Variants in PIAS4 observed in about 807,000 individuals in gnomAD.
The protein encoded by PIAS4 is E3 SUMO-protein ligase PIAS4.
In PIAS4, 7 loss-of-function variants were observed where a neutral mutation model predicts 58.0. The observed-to-expected ratio is 0.12, with a 90% confidence interval of 0.07 to 0.23. PIAS4 has a LOEUF of 0.23. Ranked by LOEUF, PIAS4 falls within the 10% of genes least tolerant of loss-of-function variation. The probability of loss-of-function intolerance (pLI) is 1.00; values close to 1 mark genes in which losing one functional copy is unlikely to be tolerated. For missense variants in PIAS4, 550 were observed against 709.5 expected (o/e 0.78, Z 2.55); for synonymous variants, 364 against 312.4 (o/e 1.17, Z -1.74).
rs371787426 is a variant in PIAS4, at chr19:4,037,666, G to A, written c.1324G>A (p.Gly442Ser). Residue 442 changes from glycine (G) to serine (S), a missense_variant, in exon 11 of 11, where the codon GGT becomes AGT. This residue lies in a region of PIAS4 where 188 missense variants were observed against 192.0 expected (regional missense o/e 0.98). Transcript: ENST00000262971. This position sits in a 1 kb window ranked among gnomAD's most constrained non-coding sequence, Gnocchi z 5.8. ...LLPAPSVNGSGALGSTGGGGP... is the reference protein window; with the variant it reads ...LLPAPSVNGSSALGSTGGGGP... ...GCCCGCCCCCAGCGTCAACGGGAGC[G>A]GTGCCCTGGGCAGCACGGGTGGCGG... 39 of 1,611,970 alleles carry A rather than the reference G, an allele frequency of 2.4e-5. No individual in the cohort carries two copies. Among genetic ancestry groups the A allele is most frequent in the African/African-American group, 5.3e-5 (4 of 74,928 alleles).
chr19:4,028,320 C>A, intron 4 of PIAS4, 133 bp downstream of exon 4: 1 of 839,476 alleles, frequency 1.2e-6, no homozygotes, highest in Non-Finnish European at 1.9e-6. Context: ...CACCTGCTGT[C>A]TATCCCTGTC....
At position 4,038,391 on chromosome 19, in the gene PIAS4, C is replaced by CCGAGCAG. The variant is rs1472369281; in HGVS notation, c.*522_*528dup. 1 of 151,032 alleles carries CCGAGCAG rather than the reference C, an allele frequency of 6.6e-6. No homozygotes were observed. Among genetic ancestry groups the CCGAGCAG allele is most frequent in the African/African-American group, 2.4e-5 (1 of 40,978 alleles). The allele number at this position is 151,032 out of a possible 1,614,324, so 9.4% of individuals were successfully genotyped here. The stretch of plus-strand genomic sequence containing the variant: ...ATCCTCGCCCAGAGACCCTCACGCG[C>CCGAGCAG]CGAGCAGCGAGCGTTTTAGCCGAGA... On this transcript the variant is annotated 3_prime_UTR_variant, in exon 11 of 11. Transcript: ENST00000262971. The surrounding 1 kb of genome is among the most constrained non-coding windows in gnomAD (Gnocchi z 4.1).
chr19:4,034,327 G>A (rs1255499718), intron 9 of PIAS4, among the ~76,000 whole-genome samples: 1 of 152,180 alleles, frequency 6.6e-6, no homozygotes, highest in Non-Finnish European at 1.5e-5. Flanking sequence ...TGCAGGTGAA[G>A]GCAGGGCTGG....
intron 9 of PIAS4, among the ~76,000 whole-genome samples, chr19:4,036,620 C>T (rs986356491): frequency 6.8e-6 from 1 of 146,944 alleles, no homozygotes; most frequent in African/African-American, 2.6e-5. Context: ...ACAGTCCACA[C>T]CGTCTCACAT....
chr19:4,028,398 A>G, intron 4 of PIAS4, 112 bp from the exon 5 acceptor site: 2 of 862,702 alleles, frequency 2.3e-6, no homozygotes, highest in East Asian at 2.7e-5. Context: ...CCCGTGTCAC[A>G]TTCTCCGGTG....
intron 8 of PIAS4, 70 bp downstream of exon 8, chr19:4,033,243 C>A (rs531136055): frequency 1.3e-6 from 2 of 1,512,558 alleles, no homozygotes; most frequent in Non-Finnish European, 1.8e-6. Context: ...CGGCCCTGGG[C>A]CCGGGGCGGC....
chr19:4,012,867 A>T lies in PIAS4; in HGVS notation c.28-56A>T, dbSNP rs1007566539. Reference sequence around the variant, plus strand: ...CCACATCGGGGCCTGGCCTCCATGGAGTCCCCTGCCTCGCAGCTGTGTCCT... The same window carrying T: ...CCACATCGGGGCCTGGCCTCCATGGTGTCCCCTGCCTCGCAGCTGTGTCCT... On this transcript the variant is annotated intron_variant, in intron 1 of 10. Transcript: ENST00000262971. 3.1e-5 allele frequency: 47 copies of T among 1,530,414 alleles called. No individual in the cohort carries two copies. In the African/African-American group the frequency reaches 6.2e-4, roughly 20 times the overall value. 94.8% of individuals were successfully genotyped at this position (1,530,414 alleles called of 1,614,324 possible). A position where few individuals can be genotyped will look rare whatever the true frequency, so the allele number is the denominator to read the frequency against.
chr19:4,037,652 G>C lies in PIAS4; in HGVS notation c.1310G>C (p.Ser437Thr). ...GCCAATGGGCTCCTGCCCGCCCCCAGCGTCAACGGGAGCGGTGCCCTGGGC... is the reference window on the plus strand; with the variant it reads ...GCCAATGGGCTCCTGCCCGCCCCCACCGTCAACGGGAGCGGTGCCCTGGGC... Reference protein sequence around the residue: ...SDANGLLPAPSVNGSGALGST... With the variant: ...SDANGLLPAPTVNGSGALGST... The change falls in exon 11 of 11, where the codon AGC becomes ACC. Residue 437 changes from serine to threonine, a missense_variant. Transcript: ENST00000262971. This position sits in a 1 kb window ranked among gnomAD's most constrained non-coding sequence, Gnocchi z 5.8. 1 of 1,611,856 alleles carries C rather than the reference G, an allele frequency of 6.2e-7. No homozygotes were observed. The highest frequency in any genetic ancestry group is 8.5e-7 in the Non-Finnish European group (1 of 1,179,766).
At chr19:4,017,432 C>T (rs1196599374) in intron 2 of PIAS4, among the ~76,000 whole-genome samples, 1 of 152,178 alleles carries the variant, frequency 6.6e-6, no homozygotes, top group Non-Finnish European at 1.5e-5. Context: ...TCGGCATCAC[C>T]CCTGTGCCTA....
intron 7 of PIAS4, among the ~76,000 whole-genome samples, chr19:4,032,817 A>G (rs2040234699): frequency 6.6e-6 from 1 of 152,184 alleles, no homozygotes; most frequent in South Asian, 2.1e-4. Context: ...GAAAAGTCCC[A>G]TGGGTCATAG....
chr19:4,033,589 G>T lies in PIAS4; in HGVS notation c.1142+9G>T, dbSNP rs201403483. 1.9e-6 allele frequency: 3 copies of T among 1,591,790 alleles called. No homozygotes were observed. Among genetic ancestry groups the T allele is most frequent in the Non-Finnish European group, 8.5e-7 (1 of 1,169,850 alleles). Reference sequence around the variant, plus strand: ...CAGCTCATCATCGACGGGTGAGCCCGGGGCCCCGGGGAGGGCGGCCGGAGC... The same window carrying T: ...CAGCTCATCATCGACGGGTGAGCCCTGGGCCCCGGGGAGGGCGGCCGGAGC... On this transcript the variant is annotated intron_variant, in intron 9 of 10. Transcript: ENST00000262971.
chr19:4,033,256 G>T (rs1169847537), intron 8 of PIAS4, 83 bp downstream of exon 8: 3 of 1,452,906 alleles, frequency 2.1e-6, no homozygotes, highest in African/African-American at 2.8e-5. Context: ...GGGGCGGCTT[G>T]GCTGGGCCGT....
intron 7 of PIAS4, among the ~76,000 whole-genome samples, chr19:4,032,476 G>A (rs962478683): frequency 1.3e-5 from 2 of 152,246 alleles, no homozygotes; most frequent in African/African-American, 4.8e-5. Flanking sequence ...GTTTCCTTCT[G>A]GCTGTGGGCC....
intron 9 of PIAS4, among the ~76,000 whole-genome samples, chr19:4,036,464 C>T (rs905304935): frequency 6.9e-6 from 1 of 145,960 alleles, no homozygotes; most frequent in South Asian, 2.2e-4. Flanking sequence ...CTATACGGTC[C>T]ACACCGTCAC....
At chr19:4,025,266 G>A (rs557824220) in intron 3 of PIAS4, among the ~76,000 whole-genome samples, 13 of 152,190 alleles carry the variant, frequency 8.5e-5, no homozygotes, top group Middle Eastern at 3.4e-3. Flanking sequence ...GCTCGGTGTC[G>A]CCTGGGGCAG....
In PIAS4 at chr19:4,037,058, C is replaced by T. The variant is rs906042219; in HGVS notation, c.1143-316C>T. 6.6e-6 allele frequency among the ~76,000 whole-genome samples: 1 copy of T among 151,708 alleles called. No individual in the cohort carries two copies. Among genetic ancestry groups the T allele is most frequent in the Non-Finnish European group, 1.5e-5 (1 of 68,034 alleles). On this transcript the variant is annotated intron_variant, in intron 9 of 10. Coordinates refer to ENST00000262971, the MANE Select transcript of PIAS4 (RefSeq NM_015897.4). This position sits in a 1 kb window ranked among gnomAD's most constrained non-coding sequence, Gnocchi z 5.8. ...GCACACCCGGAGGTGCCCAGAGGGG[C>T]AGGGTGGGGAGGACCCCTGCAGCTG...
intron 9 of PIAS4, among the ~76,000 whole-genome samples, chr19:4,035,474 A>T (rs2040265002): frequency 6.6e-6 from 1 of 152,042 alleles, no homozygotes; most frequent in Non-Finnish European, 1.5e-5. Flanking sequence ...TCCCTTCCCG[A>T]GCCTCTGTTT....
chr19:4,026,153 T>G (rs546134164), intron 3 of PIAS4, among the ~76,000 whole-genome samples: 1 of 149,022 alleles, frequency 6.7e-6, no homozygotes, highest in Non-Finnish European at 1.5e-5. Flanking sequence ...TTTTTTTTTT[T>G]GAAATGAAGT....
At position 4,019,670 on chromosome 19, in the gene PIAS4, G is replaced by A. The variant is rs563734285; in HGVS notation, c.455-4366G>A. 3.3e-5 allele frequency among the ~76,000 whole-genome samples: 5 copies of A among 152,298 alleles called. No homozygotes were observed. In the South Asian group the frequency reaches 1.0e-3, roughly 32 times the overall value. ...GGGCGCGTCTGCAGGTGGCCTGTGT[G>A]CCCCCCTCCCAATTAGGCGGCCTTC... is the stretch of plus-strand genomic sequence containing the variant. On this transcript the variant is annotated intron_variant, in intron 2 of 10. Coordinates refer to ENST00000262971, the MANE Select transcript of PIAS4 (RefSeq NM_015897.4).
Sources: gnomAD v4.1 joint callset for allele counts (sites outside exome capture counted in the v4.1 genomes callset) on GRCh38, gnomAD v4.1.1 for gene constraint, gnomAD v4.1.1 regional missense constraint, Gnocchi (gnomAD v3.1) non-coding constraint, MANE v1.5 for transcripts, NCBI Gene and HGNC (gene_info 2026-07-23, HGNC 2026-07-21) for gene names.